The following ARHGAP6 variants were observed in gnomAD, a reference collection of about 807,000 sequenced individuals.
ARHGAP6 encodes rho GTPase-activating protein 6.
In ARHGAP6, 16 loss-of-function variants were observed where a neutral mutation model predicts 55.7. The ratio of observed to expected loss-of-function variants is 0.29; its 90% CI spans 0.19 to 0.44. ARHGAP6 has a LOEUF of 0.44. Ranked by LOEUF, ARHGAP6 falls within the 20% of genes least tolerant of loss-of-function variation. The pLI is 1.00. For missense variants in ARHGAP6, 698 were observed against 808.9 expected, an observed-to-expected ratio of 0.86 and a Z score of 1.66; for synonymous variants, 382 against 360.9, an observed-to-expected ratio of 1.06 and a Z score of -0.66.
At chrX:11,495,626 T>A (rs1352623882) in intron 1 of ARHGAP6, among the ~76,000 whole-genome samples, 2 of 110,887 alleles carry the variant, frequency 1.8e-5, no homozygotes, top group African/African-American at 6.6e-5. Context: ...CAGGTTTATG[T>A]CTGTGGCATG....
chrX:11,450,250 GCTAT>G (rs1362712313), intron 1 of ARHGAP6, among the ~76,000 whole-genome samples: 2 of 101,089 alleles, frequency 2.0e-5, no homozygotes, highest in Non-Finnish European at 4.0e-5. Flanking sequence ...GTGTTCTTTT[GCTAT>G]CTATTGTATG....
At chrX:11,258,450 C>T (rs181818088) in intron 1 of ARHGAP6, among the ~76,000 whole-genome samples, 172 of 109,892 alleles carry the variant, frequency 1.6e-3, no homozygotes, top group African/African-American at 3.9e-3. Flanking sequence ...GGAAGATCAC[C>T]CAGTTTTGGA....
chrX:11,256,234 A>G (rs1053021462), intron 1 of ARHGAP6, among the ~76,000 whole-genome samples: 37 of 112,034 alleles, frequency 3.3e-4, no homozygotes, highest in African/African-American at 1.2e-3. Context: ...TACTAAAAAT[A>G]CAAAATTAGC....
chrX:11,520,017 C>T (rs1296134912), intron 1 of ARHGAP6, among the ~76,000 whole-genome samples: 2 of 94,366 alleles, frequency 2.1e-5, no homozygotes, highest in Admixed American at 2.4e-4. Context: ...AGCTTCTGCA[C>T]AGCAAAAGAA....
At chrX:11,185,022 TA>T (rs1223675838) in intron 5 of ARHGAP6, among the ~76,000 whole-genome samples, 1 of 112,011 alleles carries the variant, frequency 8.9e-6, no homozygotes, top group Non-Finnish European at 1.9e-5. Context: ...AACAAAATCT[TA>T]AGTATTTGTG....
chrX:11,386,213 T>C (rs1233216112), intron 1 of ARHGAP6, among the ~76,000 whole-genome samples: 1 of 113,114 alleles, frequency 8.8e-6, no homozygotes, highest in Non-Finnish European at 1.9e-5. Flanking sequence ...CTTTTTGCAA[T>C]GACTCAGATA....
intron 1 of ARHGAP6, among the ~76,000 whole-genome samples, chrX:11,643,373 G>A (rs2052495002): frequency 8.9e-6 from 1 of 111,733 alleles, no homozygotes; most frequent in South Asian, 3.6e-4. Context: ...TTGCAATTTG[G>A]GAAAAAATGT....
chrX:11,152,341 G>T (rs1276757865), intron 10 of ARHGAP6, among the ~76,000 whole-genome samples: 2 of 112,082 alleles, frequency 1.8e-5, no homozygotes, highest in Non-Finnish European at 3.8e-5. Context: ...ATGGATAATT[G>T]ACTTGCCAAT....
At chrX:11,449,010 G>T (rs1376308786) in intron 1 of ARHGAP6, among the ~76,000 whole-genome samples, 4 of 111,214 alleles carry the variant, frequency 3.6e-5, no homozygotes, top group Non-Finnish European at 7.5e-5. Context: ...AGTAAGTTTT[G>T]TTGACTTGGT....
chrX:11,276,570 TAAAAGGGAAAATTG>T lies in ARHGAP6; in HGVS notation c.589-21877_589-21864del, dbSNP rs1352208430. 2.7e-5 allele frequency among the ~76,000 whole-genome samples: 3 copies of T among 111,908 alleles called. No individual in the cohort carries two copies. In the Admixed American group the frequency reaches 2.8e-4, roughly 11 times the overall value. ...CTTTTAGTATTAAGAGACAAACATG[TAAAAGGGAAAATTG>T]AAAAGGGAGAAACCAACATGAAGTA... On this transcript the variant is annotated intron_variant, in intron 1 of 12. Coordinates refer to ENST00000337414, the MANE Select transcript of ARHGAP6 (RefSeq NM_013427.3).
chrX:11,526,816 A>G (rs2050993679), intron 1 of ARHGAP6, among the ~76,000 whole-genome samples: 1 of 111,761 alleles, frequency 8.9e-6, no homozygotes, highest in Middle Eastern at 4.2e-3. Context: ...ATTCATTTTG[A>G]TTGACAAATT....
intron 1 of ARHGAP6, among the ~76,000 whole-genome samples, chrX:11,264,527 G>A (rs915674461): frequency 8.9e-6 from 1 of 111,795 alleles, no homozygotes; most frequent in Non-Finnish European, 1.9e-5. Context: ...AGTCCCAGTT[G>A]AATTGTGGAC....
intron 1 of ARHGAP6, among the ~76,000 whole-genome samples, chrX:11,577,881 C>T (rs144626807): frequency 9.9e-5 from 11 of 110,930 alleles, no homozygotes; most frequent in African/African-American, 2.0e-4. Flanking sequence ...ATCTTTCGGC[C>T]GATACCTATA....
chrX:11,476,728 G>C (rs982240649), intron 1 of ARHGAP6, among the ~76,000 whole-genome samples: 2 of 110,886 alleles, frequency 1.8e-5, no homozygotes, highest in Admixed American at 9.6e-5. Context: ...AATTTAATGG[G>C]GAAAGGAGAG....
chrX:11,503,648 A>C (rs2050702246), intron 1 of ARHGAP6, among the ~76,000 whole-genome samples: 1 of 111,510 alleles, frequency 9.0e-6, no homozygotes, highest in Non-Finnish European at 1.9e-5. Context: ...AGATTCCCAA[A>C]GTTCGATGGA....
chrX:11,463,381 C>T (rs1292933675), intron 1 of ARHGAP6, among the ~76,000 whole-genome samples: 1 of 111,944 alleles, frequency 8.9e-6, no homozygotes, highest in East Asian at 2.8e-4. Context: ...CTCTGTCACC[C>T]AGGCTGGAGT....
intron 1 of ARHGAP6, among the ~76,000 whole-genome samples, chrX:11,287,632 G>A (rs906774797): frequency 9.0e-6 from 1 of 111,593 alleles, no homozygotes; most frequent in Admixed American, 9.5e-5. Context: ...ATCTGCCATT[G>A]CCCTTTTTCT....
At chrX:11,596,305 A>G (rs2051901876) in intron 1 of ARHGAP6, among the ~76,000 whole-genome samples, 1 of 111,915 alleles carries the variant, frequency 8.9e-6, no homozygotes, top group African/African-American at 3.3e-5. Flanking sequence ...CATCACTCTC[A>G]GCAAACTACC....
At chrX:11,422,772 G>C (rs1423203065) in intron 1 of ARHGAP6, among the ~76,000 whole-genome samples, 1 of 112,640 alleles carries the variant, frequency 8.9e-6, no homozygotes, top group African/African-American at 3.2e-5. Flanking sequence ...TAGGCAAAGG[G>C]TGGTAATTGT....
Sources: gnomAD v4.1 joint callset for allele counts (sites outside exome capture counted in the v4.1 genomes callset) on GRCh38, gnomAD v4.1.1 for gene constraint, MANE v1.5 for transcripts, NCBI Gene and HGNC (gene_info 2026-07-23, HGNC 2026-07-21) for gene names.